HCK: variants seen among roughly 807,000 people sequenced by gnomAD.
HCK encodes HCK proto-oncogene, Src family tyrosine kinase, also known as tyrosine-protein kinase HCK.
Under a neutral mutation model 70.4 loss-of-function variants are expected in HCK, and 40 were observed. The observed-to-expected ratio is 0.57, with a 90% CI of 0.44 to 0.74. HCK has a LOEUF of 0.74. Among genes scored for constraint, HCK ranks in the 30% least tolerant of loss-of-function variants. HCK has a pLI of 0.00. For synonymous variants in HCK, 245 were observed against 263.2 expected (o/e 0.93, Z 0.67); for missense variants, 568 against 697.2 (o/e 0.81, Z 2.09).
intron 2 of HCK, chr20:32,072,053 C>A: frequency 2.2e-6 from 1 of 449,222 alleles, no homozygotes; most frequent in Non-Finnish European, 4.0e-6. Flanking sequence ...TCTCAGGCCT[C>A]CGGCCTGGGC....
intron 1 of HCK, among the ~76,000 whole-genome samples, chr20:32,070,774 G>A (rs7354349): frequency 0.11 from 16,405 of 151,896 alleles, 1,385 homozygotes; most frequent in African/African-American, 0.23. Context: ...CTTCTTCACA[G>A]TTTAGAAAAG....
At chr20:32,063,855 G>A (rs1455288435) in intron 1 of HCK, among the ~76,000 whole-genome samples, 1 of 151,690 alleles carries the variant, frequency 6.6e-6, no homozygotes, top group Non-Finnish European at 1.5e-5. Flanking sequence ...AGCTTCAGGC[G>A]AGGCTTAATC....
intron 10 of HCK, among the ~76,000 whole-genome samples, chr20:32,092,435 C>T (rs931543885): frequency 6.6e-6 from 1 of 152,200 alleles, no homozygotes; most frequent in African/African-American, 2.4e-5. Flanking sequence ...TTTGTCCAAA[C>T]CCTTGTAAGT....
intron 1 of HCK, among the ~76,000 whole-genome samples, chr20:32,058,489 C>G (rs1259164535): frequency 6.6e-6 from 1 of 150,456 alleles, no homozygotes; most frequent in Non-Finnish European, 1.5e-5. Context: ...CAAGGTCTTG[C>G]CACTGCACTC....
chr20:32,094,775 A>G lies in HCK; in HGVS notation c.1246+759A>G, dbSNP rs1211828695. 4.2e-3 allele frequency among the ~76,000 whole-genome samples: 493 copies of G among 116,934 alleles called. 6 individuals carry two copies. The highest frequency in any genetic ancestry group is 6.7e-3 in the African/African-American group (182 of 26,998). The allele number at this position is 116,934 out of a possible 152,430, so 76.7% of individuals were successfully genotyped here. ...AAAGAAAGAAAGAAGGAAAGAAAGA[A>G]AGAGAGAGAAAGAGAAAGAAAGAAA... On this transcript the variant is annotated intron_variant, in intron 11 of 12. Coordinates refer to ENST00000375852, the MANE Select transcript of HCK (RefSeq NM_002110.5).
chr20:32,075,743 A>G (rs1358828253), intron 5 of HCK, among the ~76,000 whole-genome samples: 1 of 145,952 alleles, frequency 6.9e-6, no homozygotes, highest in African/African-American at 2.7e-5. Context: ...TCCATCCATC[A>G]TCCAACAGAT....
At chr20:32,073,494 G>A (rs2297304) in intron 3 of HCK, 133 bp downstream of exon 3, 498,734 of 768,494 alleles carry the variant, frequency 0.65, 164,614 homozygotes, top group East Asian at 0.92. Flanking sequence ...CCTCTGAAGT[G>A]CTTTGCGCAG....
At chr20:32,056,317 T>A (rs1379557607) in intron 1 of HCK, among the ~76,000 whole-genome samples, 1 of 152,102 alleles carries the variant, frequency 6.6e-6, no homozygotes, top group Non-Finnish European at 1.5e-5. Flanking sequence ...ATGGAGATCA[T>A]CCCGGTTAAC....
intron 1 of HCK, among the ~76,000 whole-genome samples, chr20:32,068,090 A>C (rs1183126048): frequency 2.0e-5 from 3 of 152,114 alleles, no homozygotes; most frequent in Non-Finnish European, 2.9e-5. Flanking sequence ...TGAGGTTGGG[A>C]GTTCAAGACC....
rs575516771 is a variant in HCK at position 32,072,791 on chromosome 20, C to A, written c.184-528C>A. Among the ~76,000 whole-genome samples the A allele has an allele frequency of 8.5e-5, 13 of 152,086 alleles. 1 individual carries two copies. In the East Asian group the frequency reaches 9.7e-4, roughly 11 times the overall value. ...AGGGGAGGGGTCAAGCAGCATCCCCCGGTACATCCAAGACCGAAGGCCGAG... is the reference window on the plus strand; with the variant it reads ...AGGGGAGGGGTCAAGCAGCATCCCCAGGTACATCCAAGACCGAAGGCCGAG... On this transcript the variant is annotated intron_variant, in intron 2 of 12. Transcript: ENST00000375852.
chr20:32,073,850 A>G (rs370119506), intron 4 of HCK, 32 bp downstream of exon 4: 31 of 1,278,172 alleles, frequency 2.4e-5, no homozygotes, highest in Non-Finnish European at 3.2e-5. Flanking sequence ...CCTAAGACAG[A>G]CCTGCCTCCT....
intron 1 of HCK, among the ~76,000 whole-genome samples, chr20:32,059,263 A>G (rs997838745): frequency 3.4e-5 from 4 of 118,188 alleles, no homozygotes; most frequent in African/African-American, 1.4e-4. Context: ...TCTTAAATGT[A>G]TCTGTAATGT....
At chr20:32,094,744 AGAAAGAAAGAAAGAAAGAAG>A (rs1201640005) in intron 11 of HCK, among the ~76,000 whole-genome samples, 11 of 134,176 alleles carry the variant, frequency 8.2e-5, no homozygotes, top group East Asian at 2.1e-4. Flanking sequence ...AAAGAAAGAA[AGAAAGAAAGAAAGAAAGAAG>A]GAAAGAAAGA....
intron 4 of HCK, among the ~76,000 whole-genome samples, 168 bp from the exon 5 acceptor site, chr20:32,074,455 C>A (rs1220620090): frequency 6.6e-6 from 1 of 151,928 alleles, no homozygotes; most frequent in Non-Finnish European, 1.5e-5. Context: ...TGTAAGGATC[C>A]CTACCCTAAT....
intron 1 of HCK, 58 bp downstream of exon 1, chr20:32,052,544 G>T: frequency 1.7e-6 from 2 of 1,194,580 alleles, no homozygotes; most frequent in Non-Finnish European, 2.1e-6. Flanking sequence ...CCCAGGAGGC[G>T]GAGGGAGCCC....
intron 1 of HCK, among the ~76,000 whole-genome samples, chr20:32,061,087 A>G (rs1005004626): frequency 1.3e-5 from 2 of 152,196 alleles, no homozygotes; most frequent in African/African-American, 4.8e-5. Flanking sequence ...GGGTTCAAGC[A>G]ATTCTCCTTC....
At chr20:32,056,223 T>C (rs2045269047) in intron 1 of HCK, among the ~76,000 whole-genome samples, 2 of 152,216 alleles carry the variant, frequency 1.3e-5, no homozygotes, top group Non-Finnish European at 2.9e-5. Context: ...ATAAAAGTTC[T>C]ATCTCTGTGG....
intron 5 of HCK, among the ~76,000 whole-genome samples, chr20:32,076,861 G>A (rs964390513): frequency 1.3e-5 from 2 of 152,004 alleles, no homozygotes; most frequent in Admixed American, 6.6e-5. Context: ...CGAGGGAGGT[G>A]GAACACTTGA....
intron 11 of HCK, among the ~76,000 whole-genome samples, chr20:32,094,793 GAAAGAAAGAAAGAA>G (rs1465466338): frequency 0.019 from 362 of 19,356 alleles, 2 homozygotes; most frequent in Non-Finnish European, 0.034. Context: ...GAAAGAGAAA[GAAAGAAAGAAAGAA>G]AGAAAGAAAG....
Sources: gnomAD v4.1 joint callset for allele counts (sites outside exome capture counted in the v4.1 genomes callset) on GRCh38, gnomAD v4.1.1 for gene constraint, MANE v1.5 for transcripts, NCBI Gene and HGNC (gene_info 2026-07-23, HGNC 2026-07-21) for gene names.